Variants in XPOT observed in about 807,000 individuals in gnomAD.
XPOT encodes exportin-T.
A neutral mutation model predicts 128.2 loss-of-function variants in XPOT; 34 were observed. That is an observed-to-expected ratio of 0.27 (90% CI 0.20 to 0.35). The LOEUF (loss-of-function observed/expected upper bound fraction) is 0.35. XPOT is among the 10% of genes least tolerant of loss of function. The probability of loss-of-function intolerance (pLI) is 1.00; values close to 1 mark genes in which losing one functional copy is unlikely to be tolerated. For synonymous variants in XPOT, 348 were observed against 394.3 expected, an observed-to-expected ratio of 0.88 and a Z score of 1.39; for missense variants, 838 against 1,125.3, an observed-to-expected ratio of 0.74 and a Z score of 3.65.
chr12:64,430,003 G>A (rs756888718), intron 16 of XPOT, 46 bp from the exon 17 acceptor site: 5 of 1,482,664 alleles, frequency 3.4e-6, no homozygotes, highest in Non-Finnish European at 4.5e-6. Context: ...TTAAATGAAG[G>A]GAACTCAAAA....
intron 1 of XPOT, among the ~76,000 whole-genome samples, chr12:64,407,345 G>A (rs561635379): frequency 6.6e-6 from 1 of 152,168 alleles, no homozygotes; most frequent in East Asian, 1.9e-4. Flanking sequence ...AATTAGCCGG[G>A]TGTGGTGGCT....
chr12:64,433,554 C>T lies in XPOT; in HGVS notation c.2403C>T (p.Phe801=). 1 of 1,612,540 alleles carries T rather than the reference C, an allele frequency of 6.2e-7. No individual in the cohort carries two copies. The highest frequency in any genetic ancestry group is 1.1e-5 in the South Asian group (1 of 90,842). The part of the protein sequence containing the change: ...KQMLRRSYFA[F]LQTVTGSGMS... ...TGTTGCGGAGGAGTTACTTTGCTTT[C>T]CTGCAAACAGTCACAGGCAGTGGGA... Residue 801 remains phenylalanine, a synonymous_variant, in exon 19 of 25, where the codon TTC becomes TTT. Coordinates refer to ENST00000332707, the MANE Select transcript of XPOT (RefSeq NM_007235.6).
intron 15 of XPOT, 85 bp downstream of exon 15, chr12:64,425,994 A>T: frequency 7.9e-7 from 1 of 1,268,962 alleles, no homozygotes; most frequent in Non-Finnish European, 1.1e-6. Flanking sequence ...CATGGAATCA[A>T]CCTAGGTGCC....
intron 24 of XPOT, among the ~76,000 whole-genome samples, chr12:64,446,119 A>C (rs1203781449): frequency 6.6e-6 from 1 of 152,192 alleles, no homozygotes; most frequent in Non-Finnish European, 1.5e-5. Flanking sequence ...AAAAAAGCAA[A>C]GTGCCTACAG....
At chr12:64,411,029 C>T (rs531585208) in intron 2 of XPOT, among the ~76,000 whole-genome samples, 1 of 152,214 alleles carries the variant, frequency 6.6e-6, no homozygotes, top group Non-Finnish European at 1.5e-5. Context: ...CAGTAAAAAA[C>T]AATCCCAACT....
At chr12:64,409,320 T>G (rs1256159903) in intron 1 of XPOT, among the ~76,000 whole-genome samples, 2 of 152,252 alleles carry the variant, frequency 1.3e-5, no homozygotes, top group African/African-American at 4.8e-5. Context: ...GTACTAGAGA[T>G]AAGTAAAACA....
intron 4 of XPOT, 27 bp downstream of exon 4, chr12:64,416,781 C>CT (rs773863155): frequency 6.3e-7 from 1 of 1,592,308 alleles, no homozygotes; most frequent in African/African-American, 1.4e-5. Flanking sequence ...TGTTTTGACT[C>CT]AGATTTGCGG....
chr12:64,422,858 G>A (rs2040151984), intron 9 of XPOT, 147 bp from the exon 10 acceptor site: 1 of 632,960 alleles, frequency 1.6e-6, no homozygotes, highest in East Asian at 3.1e-5. Flanking sequence ...AGCCATGACT[G>A]CGCCACTGCA....
Position 64,448,299 on chromosome 12 carries a change from T to G in XPOT, c.*168T>G. On this transcript the variant is annotated 3_prime_UTR_variant, in exon 25 of 25. Transcript: ENST00000332707. ...ATGGGTGTAATTTTCCTAATACAGG[T>G]ATGTAACAACAAAAGAAGTTGCCTG... 1 of 643,558 alleles carries G rather than the reference T, an allele frequency of 1.6e-6. No individual in the cohort carries two copies. Among genetic ancestry groups the G allele is most frequent in the South Asian group, 1.9e-5 (1 of 53,398 alleles). 39.9% of individuals were successfully genotyped at this position (643,558 alleles called of 1,614,324 possible).
intron 22 of XPOT, among the ~76,000 whole-genome samples, chr12:64,436,591 T>C (rs2040283914): frequency 6.6e-6 from 1 of 152,102 alleles, no homozygotes; most frequent in Non-Finnish European, 1.5e-5. Context: ...TATTTTACTT[T>C]ATTTTTTGTG....
Position 64,433,428 on chromosome 12 carries a change from G to A in XPOT, c.2277G>A (p.Pro759=), listed in dbSNP as rs757981724. The change falls in exon 19 of 25, where the codon CCG becomes CCA. Residue 759 remains proline, a synonymous_variant. Transcript: ENST00000332707. ...TTTATCTTCAGATACAGGTATCCCC[G>A]TTTTTACAACAGATGTTCATGCCCC... ...ITAKFKIQVS[P]FLQQMFMPLL... 5.1e-6 allele frequency: 8 copies of A among 1,554,204 alleles called. No homozygotes were observed. Among genetic ancestry groups the A allele is most frequent in the East Asian group, 2.3e-5 (1 of 42,660 alleles).
At chr12:64,422,587 G>A (rs1239907473) in intron 9 of XPOT, among the ~76,000 whole-genome samples, 2 of 152,144 alleles carry the variant, frequency 1.3e-5, no homozygotes, top group African/African-American at 2.4e-5. Flanking sequence ...AAAGTTGTGT[G>A]CATGTTTTCA....
chr12:64,413,685 A>G lies in XPOT; in HGVS notation c.61-1222A>G, dbSNP rs191021187. ...CATAGTATAGGAAACTATCACCTAA[A>G]TATAAATACAGTGGCTTTGATCTGT... is the stretch of plus-strand genomic sequence containing the variant. On this transcript the variant is annotated intron_variant, in intron 2 of 24. Coordinates refer to ENST00000332707, the MANE Select transcript of XPOT (RefSeq NM_007235.6). 3.9e-5 allele frequency among the ~76,000 whole-genome samples: 6 copies of G among 152,338 alleles called. No individual in the cohort carries two copies. The East Asian group carries it at 9.6e-4, about 24-fold the overall frequency.
chr12:64,448,026 C>A, intron 24 of XPOT, 79 bp from the exon 25 acceptor site: 1 of 1,282,436 alleles, frequency 7.8e-7, no homozygotes. Context: ...TGCTAGCACT[C>A]AGATACTTGG....
In XPOT at chr12:64,414,897, A is replaced by T; in HGVS notation, c.61-10A>T. 1 of 1,596,348 alleles carries T rather than the reference A, an allele frequency of 6.3e-7. No homozygotes were observed. Among genetic ancestry groups the T allele is most frequent in the Non-Finnish European group, 8.6e-7 (1 of 1,166,086 alleles). On this transcript the variant is annotated splice_polypyrimidine_tract_variant and intron_variant, in intron 2 of 24. Coordinates refer to ENST00000332707, the MANE Select transcript of XPOT (RefSeq NM_007235.6). ...TTCTAAATGCATTTTTTTGTTTTGC[A>T]ATCTTATAGGCCCTGGCCTATTTTG...
rs1429813013 is a variant in XPOT, at chr12:64,420,336, T to C, written c.675-17T>C. On this transcript the variant is annotated splice_polypyrimidine_tract_variant and intron_variant, in intron 7 of 24. Coordinates refer to ENST00000332707, the MANE Select transcript of XPOT (RefSeq NM_007235.6). ...CATGACTTTGAAAATGTTACAATTT[T>C]ATTGTCCCATTACCAGGTTTATAAA... 2 of 1,605,020 alleles carry C rather than the reference T, an allele frequency of 1.2e-6. No individual in the cohort carries two copies. The highest frequency in any genetic ancestry group is 2.7e-5 in the African/African-American group (2 of 74,392).
chr12:64,435,660 A>G lies in XPOT; in HGVS notation c.2719A>G (p.Ile907Val), dbSNP rs1322229248. ...TGAGTGTGCAGTGACACTGAAAACAATTCATCTCAAACGGGTAAGCCTTTT... is the reference window on the plus strand; with the variant it reads ...TGAGTGTGCAGTGACACTGAAAACAGTTCATCTCAAACGGGTAAGCCTTTT... ...LSECAVTLKT[I>V]HLKRGPECVQ... The change falls in exon 22 of 25, where the codon ATT (isoleucine) becomes GTT (valine). Residue 907 changes from isoleucine to valine, a missense_variant. Physicochemically the swap from Ile to Val is conservative, Grantham distance 29. Coordinates refer to ENST00000332707, the MANE Select transcript of XPOT (RefSeq NM_007235.6). The G allele has an allele frequency of 1.7e-5, 27 of 1,600,258 alleles. No individual in the cohort carries two copies. The highest frequency in any genetic ancestry group is 1.7e-4 in the Middle Eastern group (1 of 6,030).
At chr12:64,429,558 T>C (rs1340373051) in intron 16 of XPOT, among the ~76,000 whole-genome samples, 1 of 151,878 alleles carries the variant, frequency 6.6e-6, no homozygotes, top group Non-Finnish European at 1.5e-5. Flanking sequence ...TTCTCCTGCC[T>C]CAGCCTCCCG....
chr12:64,444,354 A>G (rs754679917), intron 23 of XPOT, among the ~76,000 whole-genome samples: 2 of 152,252 alleles, frequency 1.3e-5, no homozygotes, highest in Non-Finnish European at 2.9e-5. Flanking sequence ...TTGTGGTGAG[A>G]TACTGTTTGA....
Sources: allele counts gnomAD v4.1 joint callset (sites outside exome capture counted in the v4.1 genomes callset), GRCh38; gene constraint gnomAD v4.1.1; transcripts MANE v1.5; gene names NCBI Gene and HGNC (gene_info 2026-07-23, HGNC 2026-07-21).